Variants in NAP1L1 observed in about 807,000 individuals in gnomAD.
The protein encoded by NAP1L1 is nucleosome assembly protein 1-like 1.
Under a neutral mutation model 58.9 loss-of-function variants are expected in NAP1L1, and 9 were observed. The observed-to-expected ratio is 0.15, with a 90% CI of 0.09 to 0.27. The LOEUF is 0.27. NAP1L1 is among the 10% of genes least tolerant of loss of function. NAP1L1 has a pLI of 1.00. For missense variants in NAP1L1, 302 were observed against 458.8 expected, an observed-to-expected ratio of 0.66 and a Z score of 3.12; for synonymous variants, 130 against 138.3, an observed-to-expected ratio of 0.94 and a Z score of 0.42.
intron 6 of NAP1L1, chr12:76,056,708 G>C (rs1309979864): frequency 6.8e-6 from 3 of 443,570 alleles, no homozygotes; most frequent in Non-Finnish European, 1.3e-5. Flanking sequence ...AGAATATAAT[G>C]AATCTACAAA....
intron 1 of NAP1L1, among the ~76,000 whole-genome samples, chr12:76,077,023 G>T (rs1950207121): frequency 6.6e-6 from 1 of 152,074 alleles, no homozygotes; most frequent in African/African-American, 2.4e-5. Context: ...AGATTTGCTA[G>T]GTTTAATATA....
At chr12:76,057,276 C>CAA (rs1949153607) in intron 6 of NAP1L1, 1 of 304,010 alleles carries the variant, frequency 3.3e-6, no homozygotes, top group Non-Finnish European at 6.4e-6. Context: ...GGCAACACAG[C>CAA]AAGTCCCTGT....
Position 76,055,085 on chromosome 12 carries a change from G to T in NAP1L1, c.564C>A (p.His188Gln). 1.3e-6 allele frequency: 2 copies of T among 1,591,332 alleles called. No individual in the cohort carries two copies. The stretch of plus-strand genomic sequence containing the variant: ...TCAAGTGCTTCAGAATAGGTTCATC[G>T]TGTTCCTTCAAATTAAAAAAATAAT... ...VDLLSDMVQE[H>Q]DEPILKHLKD... Residue 188 changes from histidine (H) to glutamine (Q), a missense_variant, in exon 8 of 15, where the codon CAC becomes CAA. Physicochemically the swap from His to Gln is conservative, Grantham distance 24. Transcript: ENST00000618691.
At chr12:76,074,262 TAA>T in intron 1 of NAP1L1, 23 bp from the exon 2 acceptor site, 2 of 1,541,340 alleles carry the variant, frequency 1.3e-6, no homozygotes, top group Admixed American at 2.2e-5. Flanking sequence ...ACATCAATGT[TAA>T]AAAAAAAGTA....
intron 3 of NAP1L1, 129 bp downstream of exon 3, chr12:76,068,779 CT>C (rs1463821547): frequency 2.3e-5 from 15 of 643,670 alleles, no homozygotes; most frequent in African/African-American, 1.9e-4. Flanking sequence ...CACACACACA[CT>C]AGAAGTATGG....
chr12:76,036,861 T>G lies in NAP1L1; in HGVS notation c.*11568A>C, dbSNP rs1377707223. The G allele has an allele frequency of 6.7e-6, 1 of 149,544 alleles. No individual in the cohort carries two copies. The highest frequency in any genetic ancestry group is 1.5e-5 in the Non-Finnish European group (1 of 67,614). 9.3% of individuals were successfully genotyped at this position (149,544 alleles called of 1,614,324 possible). ...GCTGAGGCAGGCGGATTGCCTGAGGTCAGGAGCTCGACACAAGTCTGGCCA... is the reference window on the plus strand; with the variant it reads ...GCTGAGGCAGGCGGATTGCCTGAGGGCAGGAGCTCGACACAAGTCTGGCCA... On this transcript the variant is annotated 3_prime_UTR_variant, in exon 15 of 15. Transcript: ENST00000618691.
intron 6 of NAP1L1, chr12:76,056,899 T>C: frequency 3.6e-6 from 1 of 275,538 alleles, no homozygotes; most frequent in Non-Finnish European, 7.3e-6. Context: ...TGTTATCCAG[T>C]TACTGGGAGA....
At chr12:76,073,342 T>C (rs538319097) in intron 2 of NAP1L1, among the ~76,000 whole-genome samples, 2 of 152,258 alleles carry the variant, frequency 1.3e-5, no homozygotes, top group East Asian at 1.9e-4. Context: ...CGGGCTACTG[T>C]AAAATTACAC....
chr12:76,070,836 T>C (rs1453417491), intron 2 of NAP1L1, among the ~76,000 whole-genome samples: 1 of 152,190 alleles, frequency 6.6e-6, no homozygotes, highest in Non-Finnish European at 1.5e-5. Flanking sequence ...CTAGATTACT[T>C]ATAATAATAC....
intron 4 of NAP1L1, among the ~76,000 whole-genome samples, chr12:76,060,710 T>C (rs1949367647): frequency 6.6e-6 from 1 of 152,222 alleles, no homozygotes; most frequent in Admixed American, 6.5e-5. Context: ...CCATTATTTT[T>C]TTAGTCTCCA....
intron 7 of NAP1L1, among the ~76,000 whole-genome samples, 200 bp from the exon 8 acceptor site, chr12:76,055,290 GAA>G (rs902510599): frequency 4.6e-5 from 7 of 152,138 alleles, no homozygotes; most frequent in Admixed American, 4.6e-4. Context: ...CACTGGTAGA[GAA>G]AAAGTGTCCA....
At chr12:76,068,782 G>T in intron 3 of NAP1L1, 127 bp downstream of exon 3, 41 of 417,042 alleles carry the variant, frequency 9.8e-5, no homozygotes, top group Admixed American at 1.3e-4. Flanking sequence ...ACACACACTA[G>T]AAGTATGGAC....
chr12:76,080,062 A>T (rs1950341674), intron 1 of NAP1L1, among the ~76,000 whole-genome samples: 1 of 152,212 alleles, frequency 6.6e-6, no homozygotes, highest in Non-Finnish European at 1.5e-5. Context: ...CAACTGACTG[A>T]ACTAATTGGA....
intron 1 of NAP1L1, among the ~76,000 whole-genome samples, chr12:76,075,001 C>G (rs1312188403): frequency 1.3e-5 from 2 of 152,156 alleles, no homozygotes; most frequent in African/African-American, 2.4e-5. Flanking sequence ...TAAGTTCCTT[C>G]TCACTAAAAG....
rs1406700928 is a variant in NAP1L1, at chr12:76,046,151, AC to A, written c.*2277del. The A allele has an allele frequency of 6.6e-6, 1 of 152,014 alleles. No homozygotes were observed. Among genetic ancestry groups the A allele is most frequent in the Admixed American group, 6.6e-5 (1 of 15,264 alleles). The allele number at this position is 152,014 out of a possible 1,614,324, so 9.4% of individuals were successfully genotyped here. ...AGTATATACATTCATTTAAAAAAAA[AC>A]ACCCAAAATATCACCAGTACATTTT... On this transcript the variant is annotated 3_prime_UTR_variant, in exon 15 of 15. Coordinates refer to ENST00000618691, the MANE Select transcript of NAP1L1 (RefSeq NM_004537.7).
Position 76,046,984 on chromosome 12 carries a change from G to A in NAP1L1, c.*1445C>T, listed in dbSNP as rs943660244. The A allele has an allele frequency of 3.9e-5, 6 of 152,370 alleles. No individual in the cohort carries two copies. Among genetic ancestry groups the A allele is most frequent in the African/African-American group, 1.4e-4 (6 of 41,410 alleles). The allele number at this position is 152,370 out of a possible 1,614,324, so 9.4% of individuals were successfully genotyped here. Reference sequence around the variant, plus strand: ...CAAATCTTGGACCTTGTGAAATAGTGCATCCCTCCACTTCTATAAAAATAG... The same window carrying A: ...CAAATCTTGGACCTTGTGAAATAGTACATCCCTCCACTTCTATAAAAATAG... On this transcript the variant is annotated 3_prime_UTR_variant, in exon 15 of 15. Coordinates refer to ENST00000618691, the MANE Select transcript of NAP1L1 (RefSeq NM_004537.7).
At position 76,067,351 on chromosome 12, in the gene NAP1L1, G is replaced by A. The variant is rs1335773804; in HGVS notation, c.206+20C>T. ...ACGTTGATTATAGAAAGATAAATAA[G>A]GACTATGGAAAAGCTGTACCTTTCA... On this transcript the variant is annotated intron_variant, in intron 4 of 14. Coordinates refer to ENST00000618691, the MANE Select transcript of NAP1L1 (RefSeq NM_004537.7). 1 of 1,549,420 alleles carries A rather than the reference G, an allele frequency of 6.5e-7. No individual in the cohort carries two copies. The highest frequency in any genetic ancestry group is 1.1e-5 in the South Asian group (1 of 88,190).
rs1948537062 is a variant in NAP1L1 at position 76,039,972 on chromosome 12, C to T, written c.*8457G>A. 2 of 152,292 alleles carry T rather than the reference C, an allele frequency of 1.3e-5. No homozygotes were observed. Among genetic ancestry groups the T allele is most frequent in the South Asian group, 4.1e-4 (2 of 4,830 alleles). The allele number at this position is 152,292 out of a possible 1,614,324, so 9.4% of individuals were successfully genotyped here. A position where few individuals can be genotyped will look rare whatever the true frequency, so the allele number is the denominator to read the frequency against. On this transcript the variant is annotated 3_prime_UTR_variant, in exon 15 of 15. Coordinates refer to ENST00000618691, the MANE Select transcript of NAP1L1 (RefSeq NM_004537.7). The stretch of plus-strand genomic sequence containing the variant: ...TACCCAACTTTTGAAAACACGTGTA[C>T]TTAAGGGTCACCTTATACATACCAC...
intron 2 of NAP1L1, 71 bp downstream of exon 2, chr12:76,074,132 T>A (rs1042113583): frequency 1.6e-6 from 2 of 1,232,682 alleles, no homozygotes; most frequent in African/African-American, 3.0e-5. Context: ...TAATTCATAC[T>A]ACTTGCTGTT....
Sources: allele counts gnomAD v4.1 joint callset (sites outside exome capture counted in the v4.1 genomes callset), GRCh38; gene constraint gnomAD v4.1.1; transcripts MANE v1.5; gene names NCBI Gene and HGNC (gene_info 2026-07-23, HGNC 2026-07-21).